CNOT6: variants seen among roughly 807,000 people sequenced by gnomAD.
CNOT6 encodes CCR4-NOT transcription complex subunit 6.
Under a neutral mutation model 61.2 loss-of-function variants are expected in CNOT6, and 12 were observed. That is an observed-to-expected ratio of 0.20 (90% CI 0.13 to 0.32). CNOT6 has a LOEUF of 0.32. CNOT6 is among the 10% of genes least tolerant of loss of function. CNOT6 has a pLI of 1.00. For synonymous variants in CNOT6, 225 were observed against 240.6 expected (o/e 0.94, Z 0.60); for missense variants, 405 against 663.9 (o/e 0.61, Z 4.28).
At chr5:180,503,745 A>C (rs1756999097) in intron 1 of CNOT6, among the ~76,000 whole-genome samples, 1 of 151,464 alleles carries the variant, frequency 6.6e-6, no homozygotes, top group Non-Finnish European at 1.5e-5. Context: ...AGCTGGGACT[A>C]CAGGCGTGCG....
chr5:180,549,033 A>G (rs1439901440), intron 2 of CNOT6, among the ~76,000 whole-genome samples: 1 of 152,040 alleles, frequency 6.6e-6, no homozygotes, highest in Non-Finnish European at 1.5e-5. Flanking sequence ...CTACTATTTG[A>G]TTATAAAGGT....
chr5:180,526,712 A>G (rs999717968), intron 1 of CNOT6, among the ~76,000 whole-genome samples: 5 of 152,204 alleles, frequency 3.3e-5, no homozygotes, highest in African/African-American at 9.6e-5. Context: ...TATACAGAGT[A>G]GGTAGACAAT....
intron 2 of CNOT6, among the ~76,000 whole-genome samples, chr5:180,547,044 C>T (rs891784562): frequency 6.6e-5 from 10 of 152,134 alleles, no homozygotes; most frequent in Non-Finnish European, 1.5e-4. Flanking sequence ...AGTTTATGTA[C>T]ATTGAACCAT....
intron 1 of CNOT6, among the ~76,000 whole-genome samples, chr5:180,501,041 C>G (rs1174357796): frequency 6.6e-6 from 1 of 151,986 alleles, no homozygotes; most frequent in Non-Finnish European, 1.5e-5. Context: ...GAAGAGTGGT[C>G]AGAAACAGCT....
At chr5:180,537,676 A>G (rs973489306) in intron 2 of CNOT6, among the ~76,000 whole-genome samples, 1 of 151,860 alleles carries the variant, frequency 6.6e-6, no homozygotes, top group African/African-American at 2.4e-5. Context: ...TCTTGACAGT[A>G]TTGTGTCTTC....
chr5:180,574,107 C>G lies in CNOT6; in HGVS notation c.1581C>G (p.Ile527Met). ...TCAGTGGCTGCCCGCACCCCCTCAT[C>G]CCCTCTGACCACTTCTCACTTTTTG... ...NNISGCPHPL[I>M]PSDHFSLFAQ... is the part of the protein sequence containing the mutation. Residue 527 changes from isoleucine to methionine, a missense_variant, in exon 12 of 12, where the codon ATC (isoleucine) becomes ATG (methionine). Around this residue, in one of 5 missense-constraint regions of CNOT6, gnomAD observed 52 missense variants for 69.3 expected, o/e 0.75. Transcript: ENST00000261951. 6.2e-7 allele frequency: 1 copy of G among 1,614,120 alleles called. No homozygotes were observed. Among genetic ancestry groups the G allele is most frequent in the Non-Finnish European group, 8.5e-7 (1 of 1,180,002 alleles).
At chr5:180,541,775 T>A (rs1759060426) in intron 2 of CNOT6, among the ~76,000 whole-genome samples, 1 of 149,716 alleles carries the variant, frequency 6.7e-6, no homozygotes, top group African/African-American at 2.5e-5. Flanking sequence ...TTTTTTTTGG[T>A]ATTTTTTTGT....
chr5:180,520,993 C>T (rs1172085473), intron 1 of CNOT6, among the ~76,000 whole-genome samples: 3 of 151,748 alleles, frequency 2.0e-5, no homozygotes, highest in Admixed American at 6.6e-5. Context: ...TATGGGCACC[C>T]GCCACCACAC....
chr5:180,495,357 T>C (rs1345718869), intron 1 of CNOT6: 1 of 152,278 alleles, frequency 6.6e-6, no homozygotes, highest in Non-Finnish European at 1.5e-5. Context: ...TCGGAGATTG[T>C]ACTGGTTTCT....
At position 180,522,542 on chromosome 5, in the gene CNOT6, T is replaced by TA. The variant is rs374635210; in HGVS notation, c.-2-6732dup. Among the ~76,000 whole-genome samples, 7 of 152,362 alleles carry TA rather than the reference T, an allele frequency of 4.6e-5. 1 individual carries two copies. Among genetic ancestry groups the TA allele is most frequent in the Middle Eastern group, 3.4e-3 (1 of 294 alleles). The stretch of plus-strand genomic sequence containing the variant: ...AGCCTCGCCAGCATCTGTTAGTTTT[T>TA]ATCTTTTTAGTAATAGCCATTCTGA... On this transcript the variant is annotated intron_variant, in intron 1 of 11. Transcript: ENST00000261951.
chr5:180,546,416 A>G (rs1459893418), intron 2 of CNOT6, among the ~76,000 whole-genome samples: 1 of 152,030 alleles, frequency 6.6e-6, no homozygotes, highest in Non-Finnish European at 1.5e-5. Flanking sequence ...TTTTAGCGAT[A>G]ACTCTTCGAT....
At chr5:180,560,223 G>C (rs1421873825) in intron 4 of CNOT6, among the ~76,000 whole-genome samples, 1 of 152,104 alleles carries the variant, frequency 6.6e-6, no homozygotes, top group South Asian at 2.1e-4. Flanking sequence ...GGGATTACAG[G>C]TGTGAGCCAC....
At chr5:180,560,758 ATATT>A (rs752569662) in intron 4 of CNOT6, among the ~76,000 whole-genome samples, 1 of 151,866 alleles carries the variant, frequency 6.6e-6, no homozygotes, top group Non-Finnish European at 1.5e-5. Flanking sequence ...CTGTTGGTTT[ATATT>A]TATTGCCATA....
chr5:180,554,116 C>T (rs747908483), intron 4 of CNOT6, among the ~76,000 whole-genome samples: 4 of 152,098 alleles, frequency 2.6e-5, no homozygotes, highest in Admixed American at 6.5e-5. Flanking sequence ...TAGATGAAGT[C>T]GTCAAGATTT....
chr5:180,497,282 A>C (rs1561626491), intron 1 of CNOT6, among the ~76,000 whole-genome samples: 2 of 148,684 alleles, frequency 1.3e-5, no homozygotes, highest in Non-Finnish European at 1.5e-5. Flanking sequence ...AGCCAGGATC[A>C]CGCCACTGCA....
In CNOT6 at chr5:180,573,609, G is replaced by A. The variant is rs563090664; in HGVS notation, c.1462-379G>A. ...TGTGTGTGTGTGTGTGTGTCCGTCC[G>A]TCCGTCCGTCCTGGGGCAGGAAAGA... On this transcript the variant is annotated intron_variant, in intron 11 of 11. Coordinates refer to ENST00000261951, the MANE Select transcript of CNOT6 (RefSeq NM_001370472.1). Among the ~76,000 whole-genome samples the A allele has an allele frequency of 5.2e-3, 678 of 130,674 alleles. 6 individuals are homozygous for A. Among genetic ancestry groups the A allele is most frequent in the Non-Finnish European group, 8.4e-3 (496 of 59,280 alleles). 85.7% of individuals were successfully genotyped at this position (130,674 alleles called of 152,430 possible). A position where few individuals can be genotyped will look rare whatever the true frequency, so the allele number is the denominator to read the frequency against.
intron 1 of CNOT6, among the ~76,000 whole-genome samples, chr5:180,509,975 G>A (rs954924462): frequency 3.5e-4 from 53 of 151,632 alleles, no homozygotes; most frequent in African/African-American, 1.3e-3. Flanking sequence ...CTCAAAATGT[G>A]TAGTTATGAT....
chr5:180,507,710 GTGA>G (rs1196192791), intron 1 of CNOT6, among the ~76,000 whole-genome samples: 2 of 151,870 alleles, frequency 1.3e-5, no homozygotes, highest in Non-Finnish European at 1.5e-5. Context: ...AAAGAAATGT[GTGA>G]GATTAGGTAA....
chr5:180,505,251 ATTTTT>A (rs70973919), intron 1 of CNOT6, among the ~76,000 whole-genome samples: 5 of 60,434 alleles, frequency 8.3e-5, no homozygotes, highest in East Asian at 4.1e-4. Context: ...GTAATAGTTA[ATTTTT>A]TTTTTTTTTT....
Sources: allele counts gnomAD v4.1 joint callset (sites outside exome capture counted in the v4.1 genomes callset), GRCh38; gene constraint gnomAD v4.1.1; regional missense constraint gnomAD v4.1.1; transcripts MANE v1.5; gene names NCBI Gene and HGNC (gene_info 2026-07-23, HGNC 2026-07-21).